The following EDA variants were observed in gnomAD, a reference collection of about 807,000 sequenced individuals.
The protein encoded by EDA is ectodysplasin A, also known as ectodysplasin-A.
Under a neutral mutation model 23.6 loss-of-function variants are expected in EDA, and 2 were observed. The observed-to-expected ratio is 0.08, with a 90% confidence interval of 0.03 to 0.27. The LOEUF (loss-of-function observed/expected upper bound fraction) is 0.27. Among genes scored for constraint, EDA ranks in the 10% least tolerant of loss-of-function variants. The probability of loss-of-function intolerance (pLI) is 1.00; values close to 1 mark genes in which losing one functional copy is unlikely to be tolerated. For missense variants in EDA, 229 were observed against 324.2 expected, an observed-to-expected ratio of 0.71 and a Z score of 2.26; for synonymous variants, 131 against 132.0, an observed-to-expected ratio of 0.99 and a Z score of 0.05.
chrX:69,865,371 G>C lies in EDA; in HGVS notation c.397-91656G>C, dbSNP rs772448868. ...AGGTCCCACAATAGGTTATTTGCAA[G>C]CTGAGGAGCAAGAAGAGCCAGTCCG... On this transcript the variant is annotated intron_variant, in intron 1 of 7. Transcript: ENST00000374552. Among the ~76,000 whole-genome samples the C allele has an allele frequency of 8.0e-4, 88 of 110,474 alleles. 1 individual carries two copies. The highest frequency in any genetic ancestry group is 1.0e-3 in the Non-Finnish European group (55 of 52,922).
chrX:69,754,924 C>G (rs1266599467), intron 1 of EDA, among the ~76,000 whole-genome samples: 1 of 112,067 alleles, frequency 8.9e-6, no homozygotes, highest in Non-Finnish European at 1.9e-5. Flanking sequence ...AAGGACTTCT[C>G]TACACTGTTT....
At chrX:69,910,859 A>G (rs769724876) in intron 1 of EDA, among the ~76,000 whole-genome samples, 1 of 112,122 alleles carries the variant, frequency 8.9e-6, no homozygotes, top group Non-Finnish European at 1.9e-5. Flanking sequence ...CTGAAGCATA[A>G]TTAACAATAG....
rs774223303 is a variant in EDA, at chrX:69,688,944, A to G, written c.396+72240A>G. Among the ~76,000 whole-genome samples, 6 of 112,333 alleles carry G rather than the reference A, an allele frequency of 5.3e-5. No homozygotes were observed. In the East Asian group the frequency reaches 1.7e-3, roughly 31 times the overall value. ...AATTTTTATACGTGGTGTGAGGAGT[A>G]GATCCAACTTCATTCTTTTACTTGT... On this transcript the variant is annotated intron_variant, in intron 1 of 7. Transcript: ENST00000374552.
chrX:69,674,534 C>A (rs1934014841), intron 1 of EDA, among the ~76,000 whole-genome samples: 1 of 111,806 alleles, frequency 8.9e-6, no homozygotes, highest in African/African-American at 3.3e-5. Context: ...TAATGTACAA[C>A]CTTTAGCATT....
At chrX:69,722,533 AC>A (rs1181140057) in intron 1 of EDA, among the ~76,000 whole-genome samples, 2 of 111,988 alleles carry the variant, frequency 1.8e-5, no homozygotes, top group East Asian at 5.5e-4. Flanking sequence ...TCTCTTTGTT[AC>A]CTAATGTTAG....
chrX:69,660,405 A>C (rs1235314481), intron 1 of EDA, among the ~76,000 whole-genome samples: 1 of 110,377 alleles, frequency 9.1e-6, no homozygotes, highest in African/African-American at 3.3e-5. Flanking sequence ...GGTTTGTTAC[A>C]TATGTATACA....
chrX:69,750,436 T>G (rs1316583294), intron 1 of EDA, among the ~76,000 whole-genome samples: 7 of 109,929 alleles, frequency 6.4e-5, no homozygotes, highest in African/African-American at 9.9e-5. Context: ...TGGACATTTG[T>G]GTTGGTTCCA....
At chrX:69,982,699 G>C (rs1417147860) in intron 2 of EDA, among the ~76,000 whole-genome samples, 2 of 102,505 alleles carry the variant, frequency 2.0e-5, no homozygotes, top group Non-Finnish European at 3.9e-5. Context: ...TTTTGGAATA[G>C]GTGTGGTGTG....
At chrX:69,713,089 C>T (rs1439611279) in intron 1 of EDA, among the ~76,000 whole-genome samples, 2 of 107,248 alleles carry the variant, frequency 1.9e-5, no homozygotes, top group Admixed American at 9.9e-5. Flanking sequence ...GAAGGGATAG[C>T]ATTAGGAGAT....
intron 1 of EDA, among the ~76,000 whole-genome samples, chrX:69,658,376 A>G (rs1194881807): frequency 9.1e-6 from 1 of 110,491 alleles, no homozygotes; most frequent in African/African-American, 3.3e-5. Flanking sequence ...TATCAGATCT[A>G]GGAGTCTTTT....
chrX:69,823,408 A>G (rs1280901830), intron 1 of EDA, among the ~76,000 whole-genome samples: 1 of 88,796 alleles, frequency 1.1e-5, no homozygotes, highest in Admixed American at 1.3e-4. Flanking sequence ...GTGAGATGGT[A>G]TGTCATTGTG....
At chrX:69,803,735 G>C (rs2015749654) in intron 1 of EDA, among the ~76,000 whole-genome samples, 2 of 109,682 alleles carry the variant, frequency 1.8e-5, no homozygotes, top group South Asian at 7.7e-4. Context: ...ATCCTACATT[G>C]GTGTAGAATA....
intron 1 of EDA, among the ~76,000 whole-genome samples, chrX:69,633,500 C>T (rs187481231): frequency 3.1e-3 from 346 of 111,950 alleles, no homozygotes; most frequent in South Asian, 0.011. Flanking sequence ...TATCCATTAG[C>T]AGTCATTCCC....
At chrX:69,835,027 T>A (rs113194234) in intron 1 of EDA, among the ~76,000 whole-genome samples, 9 of 77,812 alleles carry the variant, frequency 1.2e-4, no homozygotes, top group African/African-American at 3.5e-4. Context: ...TCTTTAAGAA[T>A]GTTAAATATC....
At chrX:69,831,522 G>T (rs1206563573) in intron 1 of EDA, among the ~76,000 whole-genome samples, 2 of 112,390 alleles carry the variant, frequency 1.8e-5, no homozygotes, top group Non-Finnish European at 1.9e-5. Context: ...AAACATACAT[G>T]TGCATGTGTC....
chrX:69,859,993 T>C (rs1026800704), intron 1 of EDA, among the ~76,000 whole-genome samples: 7 of 99,728 alleles, frequency 7.0e-5, no homozygotes, highest in Non-Finnish European at 1.6e-4. Flanking sequence ...CCTTGTATTT[T>C]TTTTTTTTAT....
At chrX:69,752,962 T>C (rs1423087666) in intron 1 of EDA, among the ~76,000 whole-genome samples, 5 of 110,198 alleles carry the variant, frequency 4.5e-5, no homozygotes, top group African/African-American at 1.7e-4. Context: ...TTGATTCTTC[T>C]CTCTTTTCTT....
intron 1 of EDA, among the ~76,000 whole-genome samples, chrX:69,888,124 T>C (rs1221071389): frequency 2.7e-5 from 3 of 111,643 alleles, no homozygotes; most frequent in African/African-American, 9.8e-5. Flanking sequence ...AAAATAACTA[T>C]AGCTATAACA....
intron 2 of EDA, among the ~76,000 whole-genome samples, chrX:70,012,090 C>T: frequency 9.0e-6 from 1 of 111,707 alleles, no homozygotes; most frequent in Middle Eastern, 4.6e-3. Flanking sequence ...CCCAATTTTA[C>T]TCCTATCAAA....
Sources: gnomAD v4.1 joint callset for allele counts (sites outside exome capture counted in the v4.1 genomes callset) on GRCh38, gnomAD v4.1.1 for gene constraint, MANE v1.5 for transcripts, NCBI Gene and HGNC (gene_info 2026-07-23, HGNC 2026-07-21) for gene names.